The following LOC128092252 variants were observed in gnomAD, a reference collection of about 807,000 sequenced individuals.
chr15:50,685,180 T>G, the LOC128092252 span, among the ~76,000 whole-genome samples: 5 of 152,240 alleles, frequency 3.3e-5, no homozygotes, highest in Non-Finnish European at 7.3e-5. Context: ...TCTCCCATGT[T>G]GGCCTGGCGC....
chr15:50,668,929 C>G, the LOC128092252 span, among the ~76,000 whole-genome samples: 2 of 152,198 alleles, frequency 1.3e-5, no homozygotes, highest in Non-Finnish European at 2.9e-5. Context: ...TTAAAGGAAT[C>G]AAACTTGACT....
chr15:50,659,990 C>G, the LOC128092252 span, among the ~76,000 whole-genome samples: 1 of 152,066 alleles, frequency 6.6e-6, no homozygotes, highest in South Asian at 2.1e-4. Context: ...TTTAATAAAG[C>G]AAAACATCAA....
At chr15:50,664,397 G>T in the LOC128092252 span, among the ~76,000 whole-genome samples, 1 of 151,798 alleles carries the variant, frequency 6.6e-6, no homozygotes, top group Non-Finnish European at 1.5e-5. Context: ...AAGCATAAGG[G>T]CATGGAATGG....
At chr15:50,670,466 A>C in the LOC128092252 span, among the ~76,000 whole-genome samples, 1 of 152,172 alleles carries the variant, frequency 6.6e-6, no homozygotes, top group African/African-American at 2.4e-5. Flanking sequence ...ATGGCAACAG[A>C]GTAGACCTCT....
chr15:50,655,633 G>A, the LOC128092252 span, among the ~76,000 whole-genome samples: 2 of 151,976 alleles, frequency 1.3e-5, no homozygotes, highest in African/African-American at 4.8e-5. Context: ...CACACAGGAA[G>A]ACAACTACTG....
chr15:50,681,852 T>C, the LOC128092252 span, among the ~76,000 whole-genome samples: 2 of 152,130 alleles, frequency 1.3e-5, no homozygotes, highest in Non-Finnish European at 2.9e-5. Flanking sequence ...AGGGAAAAGA[T>C]TATCATTTGC....
the LOC128092252 span, among the ~76,000 whole-genome samples, chr15:50,680,824 A>G: frequency 1.5e-4 from 23 of 152,204 alleles, no homozygotes; most frequent in Admixed American, 1.2e-3. Flanking sequence ...AAGTTTCTGT[A>G]GTTTGGCAGG....
the LOC128092252 span, among the ~76,000 whole-genome samples, chr15:50,678,777 C>G: frequency 6.6e-6 from 1 of 152,022 alleles, no homozygotes; most frequent in East Asian, 1.9e-4. Flanking sequence ...TGCCTGTAAC[C>G]CCAACACTTT....
At chr15:50,662,318 C>T in the LOC128092252 span, among the ~76,000 whole-genome samples, 1 of 145,738 alleles carries the variant, frequency 6.9e-6, no homozygotes, top group Non-Finnish European at 1.5e-5. Context: ...CAGAGCAAGA[C>T]TCTGTTCCAA....
the LOC128092252 span, among the ~76,000 whole-genome samples, chr15:50,682,883 G>C: frequency 0.016 from 2,389 of 150,614 alleles, 68 homozygotes; most frequent in African/African-American, 0.056. Context: ...ACTGAATTTT[G>C]CTTCCCGGTA....
At chr15:50,657,920 CCT>C in the LOC128092252 span, 1 of 759,690 alleles carries the variant, frequency 1.3e-6, no homozygotes, top group Non-Finnish European at 2.1e-6. Flanking sequence ...AAATTATATA[CCT>C]AGTTTAATTT....
At chr15:50,684,950 T>C in the LOC128092252 span, among the ~76,000 whole-genome samples, 4 of 152,226 alleles carry the variant, frequency 2.6e-5, no homozygotes, top group Non-Finnish European at 5.9e-5. Context: ...ATTATTAATT[T>C]TTAGGCATGA....
At chr15:50,650,615 A>G in the LOC128092252 span, among the ~76,000 whole-genome samples, 2 of 152,066 alleles carry the variant, frequency 1.3e-5, no homozygotes, top group South Asian at 4.1e-4. Flanking sequence ...GAATCGCTTG[A>G]ACCTGGGAGG....
the LOC128092252 span, among the ~76,000 whole-genome samples, chr15:50,669,142 T>A: frequency 2.6e-5 from 4 of 152,046 alleles, no homozygotes; most frequent in Admixed American, 2.6e-4. Context: ...ACAGCTGAGG[T>A]CAGGCGCAGT....
the LOC128092252 span, chr15:50,648,837 A>C: frequency 1.8e-5 from 29 of 1,612,830 alleles, no homozygotes; most frequent in Non-Finnish European, 2.4e-5. Context: ...TCATGGCAAG[A>C]CTTGCAGTAA....
the LOC128092252 span, among the ~76,000 whole-genome samples, chr15:50,677,738 C>CAAAAAAA: frequency 6.3e-4 from 24 of 38,138 alleles, no homozygotes; most frequent in Middle Eastern, 0.025. Context: ...GACCCCGTAT[C>CAAAAAAA]AAAAAAAAAA....
At chr15:50,658,747 T>C in the LOC128092252 span, among the ~76,000 whole-genome samples, 1 of 152,176 alleles carries the variant, frequency 6.6e-6, no homozygotes, top group East Asian at 1.9e-4. Flanking sequence ...CTAAAACACA[T>C]CTGTAGTATA....
chr15:50,673,308 G>C, the LOC128092252 span, among the ~76,000 whole-genome samples: 5 of 152,092 alleles, frequency 3.3e-5, no homozygotes, highest in African/African-American at 1.2e-4. Context: ...GAAACAGGTA[G>C]TGTTTAGTTA....
At chr15:50,665,926 G>A in the LOC128092252 span, among the ~76,000 whole-genome samples, 1 of 152,154 alleles carries the variant, frequency 6.6e-6, no homozygotes, top group Non-Finnish European at 1.5e-5. Context: ...GTGGAAGGCA[G>A]AGCTTGCAGT....
Sources: gnomAD v4.1 joint callset for allele counts (sites outside exome capture counted in the v4.1 genomes callset) on GRCh38, gnomAD v4.1.1 for gene constraint, MANE v1.5 for transcripts.